RASEF: variants seen among roughly 807,000 people sequenced by gnomAD.
RASEF encodes RAS and EF-hand domain containing.
RASEF carries 68 observed loss-of-function variants against 90.1 expected under a neutral mutation model. The ratio of observed to expected loss-of-function variants is 0.75; its 90% CI spans 0.62 to 0.92. RASEF has a LOEUF of 0.92. RASEF is among the 40% of genes least tolerant of loss of function. The pLI is 0.00. For missense variants in RASEF, 949 were observed against 937.2 expected (o/e 1.01, Z -0.16); for synonymous variants, 331 against 345.2 (o/e 0.96, Z 0.46).
intron 1 of RASEF, among the ~76,000 whole-genome samples, chr9:83,056,721 C>T (rs941039769): frequency 1.2e-4 from 18 of 152,222 alleles, no homozygotes; most frequent in African/African-American, 3.4e-4. Flanking sequence ...TGAGGAAAAG[C>T]TAGAGAAGAG....
chr9:83,199,916 A>C, the RASEF span, among the ~76,000 whole-genome samples: 2,149 of 152,280 alleles, frequency 0.014, 39 homozygotes, highest in African/African-American at 0.047. Flanking sequence ...AACACACAGC[A>C]CAGGCACACC....
intron 1 of RASEF, among the ~76,000 whole-genome samples, chr9:83,033,344 A>G (rs1196283195): frequency 1.3e-5 from 2 of 152,232 alleles, no homozygotes; most frequent in Non-Finnish European, 1.5e-5. Context: ...TCTGTGAGGA[A>G]TAAGTACAAG....
At chr9:83,048,644 G>C (rs971065316) in intron 1 of RASEF, 3 of 985,298 alleles carry the variant, frequency 3.0e-6, no homozygotes, top group Non-Finnish European at 3.6e-6. Flanking sequence ...TAACACAGAC[G>C]TTCCTTGTTT....
the RASEF span, among the ~76,000 whole-genome samples, chr9:83,139,722 T>C: frequency 6.6e-6 from 1 of 152,084 alleles, no homozygotes; most frequent in African/African-American, 2.4e-5. Flanking sequence ...TGTCCAAGGG[T>C]CAACTGTATA....
the RASEF span, among the ~76,000 whole-genome samples, chr9:83,119,270 C>T: frequency 7.3e-4 from 111 of 151,374 alleles, 1 homozygote; most frequent in Admixed American, 7.0e-3. Flanking sequence ...CCACTTGCCT[C>T]GGCCTCCCAA....
the RASEF span, among the ~76,000 whole-genome samples, chr9:83,176,405 G>A: frequency 6.6e-6 from 1 of 151,922 alleles, no homozygotes; most frequent in Non-Finnish European, 1.5e-5. Flanking sequence ...CCTATAGATA[G>A]CATATAGTTG....
chr9:83,047,751 G>C (rs1829959045), intron 1 of RASEF, among the ~76,000 whole-genome samples: 1 of 152,154 alleles, frequency 6.6e-6, no homozygotes, highest in South Asian at 2.1e-4. Flanking sequence ...AACTGTCATT[G>C]GGTCAAAAGG....
At chr9:83,185,715 G>A in the RASEF span, among the ~76,000 whole-genome samples, 4 of 152,012 alleles carry the variant, frequency 2.6e-5, no homozygotes, top group Non-Finnish European at 2.9e-5. Flanking sequence ...GCCTCTGAGG[G>A]GACTCTCTAA....
At chr9:82,989,389 T>C (rs1288876168) in intron 16 of RASEF, among the ~76,000 whole-genome samples, 1 of 152,090 alleles carries the variant, frequency 6.6e-6, no homozygotes, top group Non-Finnish European at 1.5e-5. Context: ...CAAGAATCTG[T>C]TTCCTCTTGG....
At chr9:83,023,450 T>C (rs947731107) in intron 2 of RASEF, among the ~76,000 whole-genome samples, 13 of 152,190 alleles carry the variant, frequency 8.5e-5, no homozygotes, top group South Asian at 2.1e-4. Flanking sequence ...GTCTCTGCTA[T>C]AGCAACTTAC....
At chr9:83,116,348 C>T in the RASEF span, among the ~76,000 whole-genome samples, 1 of 152,154 alleles carries the variant, frequency 6.6e-6, no homozygotes, top group Non-Finnish European at 1.5e-5. Context: ...ACCAAATAAG[C>T]TATTATGCAA....
intron 1 of RASEF, among the ~76,000 whole-genome samples, chr9:83,057,846 C>CATATAT (rs66535022): frequency 8.8e-4 from 126 of 143,392 alleles, no homozygotes; most frequent in South Asian, 2.0e-3. Context: ...TTCATATATA[C>CATATAT]ATATATATAT....
chr9:83,165,047 A>G, the RASEF span, among the ~76,000 whole-genome samples: 1 of 152,104 alleles, frequency 6.6e-6, no homozygotes, highest in Non-Finnish European at 1.5e-5. Context: ...AAATGAATCC[A>G]TTATTATAGT....
the RASEF span, among the ~76,000 whole-genome samples, chr9:83,094,829 G>A: frequency 1.4e-4 from 22 of 152,298 alleles, no homozygotes; most frequent in African/African-American, 5.3e-4. Flanking sequence ...CAAGGGACCT[G>A]GCTAATTAAC....
At position 83,009,718 on chromosome 9, in the gene RASEF, C is replaced by T. The variant is rs751737171; in HGVS notation, c.882G>A (p.Gln294=). 1.2e-6 allele frequency: 2 copies of T among 1,613,520 alleles called. No individual in the cohort carries two copies. Among genetic ancestry groups the T allele is most frequent in the Admixed American group, 1.7e-5 (1 of 60,010 alleles). The change falls in exon 6 of 17, where the codon CAG becomes CAA. Residue 294 remains glutamine (Q), a synonymous_variant. Coordinates refer to ENST00000376447, the MANE Select transcript of RASEF (RefSeq NM_152573.4). ...CACTCTGAAGAAAGGCTATGTTTGT[C>T]TGTGCTTCTAAAAGGTCTTTCTTAA... ...QKVKKDLLEA[Q]TNIAFLQSEL...
rs550681483 is a variant in RASEF at position 83,004,060 on chromosome 9, T to C, written c.1202+438A>G. Among the ~76,000 whole-genome samples, 3 of 152,322 alleles carry C rather than the reference T, an allele frequency of 2.0e-5. No individual in the cohort carries two copies. The South Asian group carries it at 6.2e-4, about 32-fold the overall frequency. ...TTTTACAAGGATCTACTAGTGATAT[T>C]TATATTTGCTTTGAGAGTTTCCCTT... On this transcript the variant is annotated intron_variant, in intron 9 of 16. Coordinates refer to ENST00000376447, the MANE Select transcript of RASEF (RefSeq NM_152573.4).
the RASEF span, among the ~76,000 whole-genome samples, chr9:83,096,832 T>C: frequency 6.6e-6 from 1 of 151,502 alleles, no homozygotes; most frequent in South Asian, 2.1e-4. Context: ...CCTTCCTGTG[T>C]CCATGTGTTC....
chr9:83,043,919 G>C (rs1423691297), intron 1 of RASEF, among the ~76,000 whole-genome samples: 2 of 152,188 alleles, frequency 1.3e-5, no homozygotes, highest in Non-Finnish European at 2.9e-5. Flanking sequence ...GACTAGCAGA[G>C]AGAAGACGTG....
At chr9:83,151,813 C>A in the RASEF span, among the ~76,000 whole-genome samples, 1 of 152,172 alleles carries the variant, frequency 6.6e-6, no homozygotes, top group East Asian at 1.9e-4. Context: ...AGACGTCAGT[C>A]TCTGACAGCT....
Sources: gnomAD v4.1 joint callset for allele counts (sites outside exome capture counted in the v4.1 genomes callset) on GRCh38, gnomAD v4.1.1 for gene constraint, MANE v1.5 for transcripts, NCBI Gene and HGNC (gene_info 2026-07-23, HGNC 2026-07-21) for gene names.